The following MIER2 variants were observed in gnomAD, a reference collection of about 807,000 sequenced individuals.
The protein encoded by MIER2 is mesoderm induction early response protein 2.
A neutral mutation model predicts 67.6 loss-of-function variants in MIER2; 30 were observed. The ratio of observed to expected loss-of-function variants is 0.44; its 90% confidence interval spans 0.33 to 0.60. MIER2 has a LOEUF of 0.60. MIER2 is among the 20% of genes least tolerant of loss of function. MIER2 has a pLI of 0.02. For synonymous variants in MIER2, 372 were observed against 312.6 expected (o/e 1.19, Z -2.00); for missense variants, 702 against 745.1 (o/e 0.94, Z 0.67).
chr19:344,122 T>C, intron 1 of MIER2: 1 of 985,376 alleles, frequency 1.0e-6, no homozygotes, highest in Non-Finnish European at 1.2e-6. Flanking sequence ...AGAAGTAACT[T>C]CGTGCCCGGG....
intron 7 of MIER2, among the ~76,000 whole-genome samples, chr19:319,779 C>A (rs1871163883): frequency 6.6e-6 from 1 of 152,118 alleles, no homozygotes; most frequent in African/African-American, 2.4e-5. Context: ...AAGAATAATT[C>A]CTCCAGAGGT....
Position 318,362 on chromosome 19 carries a change from C to G in MIER2, c.656-4719G>C, listed in dbSNP as rs891454013. Among the ~76,000 whole-genome samples, 7 of 152,252 alleles carry G rather than the reference C, an allele frequency of 4.6e-5. No individual in the cohort carries two copies. In the South Asian group the frequency reaches 1.5e-3, roughly 32 times the overall value. On this transcript the variant is annotated intron_variant, in intron 7 of 13. Coordinates refer to ENST00000264819, the MANE Select transcript of MIER2 (RefSeq NM_017550.3). ...TTATTTACGGTAAGAAGTGTTACTA[C>G]AGAGAGACACGTCACAATGGTAAAA...
rs969692495 is a variant in MIER2 at position 308,490 on chromosome 19, G to A, written c.1198+87C>T. 1.0e-5 allele frequency: 14 copies of A among 1,396,100 alleles called. No homozygotes were observed. The highest frequency in any genetic ancestry group is 2.5e-4 in the Middle Eastern group (1 of 3,958). The allele number at this position is 1,396,100 out of a possible 1,614,324, so 86.5% of individuals were successfully genotyped here. On this transcript the variant is annotated intron_variant, in intron 12 of 13. Coordinates refer to ENST00000264819, the MANE Select transcript of MIER2 (RefSeq NM_017550.3). The surrounding 1 kb of genome is among the most constrained non-coding windows in gnomAD (Gnocchi z 9.1). ...TGGCGAGGCTGGCCCAGCACAGGGC[G>A]CCAGGCAGGAGAGGCTCCACCGGGC...
chr19:326,238 A>G (rs1000025856), intron 6 of MIER2, among the ~76,000 whole-genome samples: 2 of 150,710 alleles, frequency 1.3e-5, no homozygotes, highest in African/African-American at 4.9e-5. Context: ...GGTTGGGGAC[A>G]CAGCAGAGCC....
intron 7 of MIER2, among the ~76,000 whole-genome samples, chr19:316,160 C>T (rs1005505511): frequency 2.0e-5 from 3 of 152,154 alleles, no homozygotes; most frequent in African/African-American, 7.2e-5. Flanking sequence ...AAAGAAAGCA[C>T]AAGGCCTATT....
At chr19:307,022 T>G in intron 13 of MIER2, 97 bp downstream of exon 13, 1 of 1,403,308 alleles carries the variant, frequency 7.1e-7, no homozygotes, top group Non-Finnish European at 9.5e-7. Context: ...CCTCGGGTCC[T>G]TGGGGCAAAT....
intron 9 of MIER2, 102 bp downstream of exon 9, chr19:312,089 C>T: frequency 7.7e-7 from 1 of 1,297,278 alleles, no homozygotes; most frequent in Non-Finnish European, 1.1e-6. Context: ...TCAGCGGCGC[C>T]CAGGGCGGGG....
intron 4 of MIER2, 63 bp downstream of exon 4, chr19:327,801 G>A (rs1324050008): frequency 4.4e-6 from 7 of 1,595,460 alleles, no homozygotes. Flanking sequence ...CCTCTGCAGA[G>A]AGGCAGCGCC....
intron 7 of MIER2, among the ~76,000 whole-genome samples, chr19:322,576 T>C (rs974551688): frequency 4.6e-5 from 7 of 151,944 alleles, no homozygotes; most frequent in Admixed American, 2.6e-4. Context: ...CCAGTACACC[T>C]GCGAAAGGTG....
chr19:315,555 G>T (rs1157655367), intron 7 of MIER2, among the ~76,000 whole-genome samples: 1 of 152,200 alleles, frequency 6.6e-6, no homozygotes, highest in Non-Finnish European at 1.5e-5. Flanking sequence ...TCCAGGACTG[G>T]ATAATACAAT....
intron 7 of MIER2, among the ~76,000 whole-genome samples, chr19:317,954 A>G (rs1971331355): frequency 6.6e-6 from 1 of 152,218 alleles, no homozygotes; most frequent in Non-Finnish European, 1.5e-5. Flanking sequence ...CTATAATCCC[A>G]GCACATTGGG....
At position 326,591 on chromosome 19, in the gene MIER2, G is replaced by A. The variant is rs748138053; in HGVS notation, c.501C>T (p.Phe167=). ...DLFPNRSGSR[F]LADEDREPGS... ...CAGGCTCTCTGTCTTCATCAGCCAGGAAACGAGCTTTGGGAAAACAGAGGC... is the reference window on the plus strand; with the variant it reads ...CAGGCTCTCTGTCTTCATCAGCCAGAAAACGAGCTTTGGGAAAACAGAGGC... The change falls in exon 6 of 14, where the codon TTC becomes TTT. Residue 167 remains phenylalanine (F), a synonymous_variant. Coordinates refer to ENST00000264819, the MANE Select transcript of MIER2 (RefSeq NM_017550.3). 4.1e-5 allele frequency: 66 copies of A among 1,613,928 alleles called. No homozygotes were observed. The highest frequency in any genetic ancestry group is 5.6e-5 in the Non-Finnish European group (66 of 1,179,936).
At chr19:326,755 C>T (rs1384165127) in intron 5 of MIER2, 157 bp from the exon 6 acceptor site, 13 of 631,940 alleles carry the variant, frequency 2.1e-5, no homozygotes, top group Non-Finnish European at 3.6e-5. Flanking sequence ...GACCCAGGAC[C>T]AGGGATGCAC....
At chr19:309,849 A>G (rs1970862836) in intron 10 of MIER2, among the ~76,000 whole-genome samples, 2 of 70,518 alleles carry the variant, frequency 2.8e-5, no homozygotes, top group Non-Finnish European at 5.4e-5. Flanking sequence ...CACGCACACA[A>G]GGCTTCAGGG....
intron 6 of MIER2, 52 bp from the exon 7 acceptor site, chr19:325,756 C>A (rs567621708): frequency 6.5e-5 from 104 of 1,604,290 alleles, no homozygotes; most frequent in Non-Finnish European, 7.4e-5. Flanking sequence ...CTAGGCCGGG[C>A]GGGAGGCTGG....
Position 306,646 on chromosome 19 carries a change from CG to C in MIER2, c.*43del. ...CTGACAGAGGCGGGCCCAGCGGCAG[CG>C]CTAAGTCCAGTCTGGGCCGCATACG... On this transcript the variant is annotated 3_prime_UTR_variant, in exon 14 of 14. Transcript: ENST00000264819. 6.4e-7 allele frequency: 1 copy of C among 1,550,504 alleles called. No individual in the cohort carries two copies. Among genetic ancestry groups the C allele is most frequent in the Non-Finnish European group, 8.7e-7 (1 of 1,146,766 alleles).
In MIER2 at chr19:308,202, G is replaced by A. The variant is rs1419915068; in HGVS notation, c.1198+375C>T. 2.0e-5 allele frequency among the ~76,000 whole-genome samples: 3 copies of A among 152,256 alleles called. No individual in the cohort carries two copies. The highest frequency in any genetic ancestry group is 4.8e-5 in the African/African-American group (2 of 41,558). On this transcript the variant is annotated intron_variant, in intron 12 of 13. Coordinates refer to ENST00000264819, the MANE Select transcript of MIER2 (RefSeq NM_017550.3). The surrounding 1 kb of genome is among the most constrained non-coding windows in gnomAD (Gnocchi z 9.1). Reference sequence around the variant, plus strand: ...GCCTCAGGTGCAAGATCCTGGCGACGGCTCCGGACACCCTGTCCTTCCTGA... The same window carrying A: ...GCCTCAGGTGCAAGATCCTGGCGACAGCTCCGGACACCCTGTCCTTCCTGA...
At position 332,219 on chromosome 19, in the gene MIER2, T is replaced by C. The variant is rs139187603; in HGVS notation, c.243+2181A>G. Among the ~76,000 whole-genome samples, 953 of 152,102 alleles carry C rather than the reference T, an allele frequency of 6.3e-3. 10 individuals are homozygous for C. Among genetic ancestry groups the C allele is most frequent in the African/African-American group, 0.021 (887 of 41,488 alleles). On this transcript the variant is annotated intron_variant, in intron 3 of 13. Transcript: ENST00000264819. ...TTCTTTTTTTTTCTTGAGATGGAGT[T>C]TCACTGTGTCACTCAGGCTGGACTG...
At chr19:306,974 A>G (rs1013289688) in intron 13 of MIER2, 145 bp downstream of exon 13, 3 of 1,041,814 alleles carry the variant, frequency 2.9e-6, no homozygotes, top group African/African-American at 1.6e-5. Flanking sequence ...GAATAAACCT[A>G]AAGACACACT....
Sources: gnomAD v4.1 joint callset for allele counts (sites outside exome capture counted in the v4.1 genomes callset) on GRCh38, gnomAD v4.1.1 for gene constraint, Gnocchi (gnomAD v3.1) non-coding constraint, MANE v1.5 for transcripts, NCBI Gene and HGNC (gene_info 2026-07-23, HGNC 2026-07-21) for gene names.